KLHL8: variants seen among roughly 807,000 people sequenced by gnomAD.
The protein encoded by KLHL8 is kelch-like protein 8.
A neutral mutation model predicts 63.5 loss-of-function variants in KLHL8; 38 were observed. That is an observed-to-expected ratio of 0.60 (90% CI 0.46 to 0.78). The LOEUF (loss-of-function observed/expected upper bound fraction) is 0.78, where lower values mean the gene tolerates loss of function less well. Among genes scored for constraint, KLHL8 ranks in the 30% least tolerant of loss-of-function variants. The probability of loss-of-function intolerance (pLI) is 0.00; values close to 1 mark genes in which losing one functional copy is unlikely to be tolerated. For synonymous variants in KLHL8, 224 were observed against 254.3 expected (o/e 0.88, Z 1.13); for missense variants, 566 against 752.4 (o/e 0.75, Z 2.90).
intron 6 of KLHL8, among the ~76,000 whole-genome samples, chr4:87,174,102 G>A (rs894456349): frequency 1.3e-5 from 2 of 151,948 alleles, no homozygotes; most frequent in Non-Finnish European, 2.9e-5. Flanking sequence ...AGTCATTTTT[G>A]CAGAATGGTG....
intron 8 of KLHL8, among the ~76,000 whole-genome samples, chr4:87,166,209 G>C (rs970701296): frequency 5.3e-5 from 8 of 152,148 alleles, no homozygotes; most frequent in African/African-American, 1.7e-4. Context: ...GTGATAATCA[G>C]GCAAGATGTA....
chr4:87,212,074 A>AATC (rs1475977895), intron 1 of KLHL8, among the ~76,000 whole-genome samples: 1 of 152,210 alleles, frequency 6.6e-6, no homozygotes, highest in Non-Finnish European at 1.5e-5. Flanking sequence ...AATATTTAAA[A>AATC]ATCCTTATTA....
At position 87,227,114 on chromosome 4, in the gene KLHL8, G is replaced by T. The variant is rs537514974; in HGVS notation, n.58-5724C>A. Among the ~76,000 whole-genome samples the T allele has an allele frequency of 1.8e-4, 27 of 147,496 alleles. No homozygotes were observed. In the South Asian group the frequency reaches 5.0e-3, roughly 28 times the overall value. On this transcript the variant is annotated intron_variant and non_coding_transcript_variant, in intron 1 of 1. Coordinates refer to the KLHL8 transcript ENST00000506274. ...TTTGATATGAAAATAAATGCAACAT[G>T]GCAGACCCTACTAGCTGCTTAAGCA...
intron 1 of KLHL8, among the ~76,000 whole-genome samples, chr4:87,234,482 C>G (rs756455116): frequency 9.3e-4 from 141 of 151,884 alleles, no homozygotes; most frequent in Admixed American, 1.2e-3. Context: ...ATTCCTATCC[C>G]TTAGTGACGT....
rs758841441 is a variant in KLHL8, at chr4:87,169,974, G to C, written c.1537+105C>G. 5.1e-4 allele frequency: 429 copies of C among 840,014 alleles called. 1 individual carries two copies. The highest frequency in any genetic ancestry group is 7.3e-4 in the Non-Finnish European group (393 of 536,098). 52.0% of individuals were successfully genotyped at this position (840,014 alleles called of 1,614,324 possible). Reference sequence around the variant, plus strand: ...GAAAGAATTCAAAAGCACATTTCAGGACCGATTCTACTTAAGGCTAAATGC... The same window carrying C: ...GAAAGAATTCAAAAGCACATTTCAGCACCGATTCTACTTAAGGCTAAATGC... On this transcript the variant is annotated intron_variant, in intron 8 of 9. Coordinates refer to ENST00000273963, the MANE Select transcript of KLHL8 (RefSeq NM_020803.5).
chr4:87,165,085 G>A (rs892378745), intron 8 of KLHL8, among the ~76,000 whole-genome samples: 4 of 144,286 alleles, frequency 2.8e-5, no homozygotes, highest in South Asian at 4.3e-4. Context: ...GGAGGCGGAC[G>A]CTTGCAGTGA....
upstream of KLHL8, among the ~76,000 whole-genome samples, chr4:87,223,125 G>GTTTGT (rs397817772): frequency 0.68 from 100,192 of 147,556 alleles, 34,242 homozygotes; most frequent in Middle Eastern, 0.84. Context: ...TAATTTTTTT[G>GTTTGT]TTTGTTTTGT....
At chr4:87,198,138 G>A (rs927607807) in intron 1 of KLHL8, among the ~76,000 whole-genome samples, 1 of 151,770 alleles carries the variant, frequency 6.6e-6, no homozygotes, top group Non-Finnish European at 1.5e-5. Context: ...GGCCAACATG[G>A]CAAAACCCCG....
chr4:87,207,043 A>T, intron 1 of KLHL8: 1 of 375,960 alleles, frequency 2.7e-6, no homozygotes, highest in East Asian at 6.3e-5. Flanking sequence ...CCCATTTGAC[A>T]CACAGCTGCA....
intron 1 of KLHL8, among the ~76,000 whole-genome samples, chr4:87,238,253 A>G (rs1433831171): frequency 6.6e-6 from 1 of 152,196 alleles, no homozygotes; most frequent in Non-Finnish European, 1.5e-5. Context: ...TATTCCATGC[A>G]TTTCTTATAT....
intron 3 of KLHL8, among the ~76,000 whole-genome samples, chr4:87,184,334 C>A (rs546877612): frequency 6.6e-6 from 1 of 151,216 alleles, no homozygotes; most frequent in Admixed American, 6.6e-5. Flanking sequence ...TATCATCATA[C>A]TCTGAATAGG....
intron 6 of KLHL8, among the ~76,000 whole-genome samples, chr4:87,173,788 G>T (rs1730719126): frequency 6.6e-6 from 1 of 152,080 alleles, no homozygotes; most frequent in Non-Finnish European, 1.5e-5. Context: ...AAAGTACTTT[G>T]GGATTTTATC....
chr4:87,169,125 T>C (rs1730539011), intron 8 of KLHL8, among the ~76,000 whole-genome samples: 2 of 151,786 alleles, frequency 1.3e-5, no homozygotes, highest in South Asian at 2.1e-4. Flanking sequence ...GCAAACACGA[T>C]GAAACCCTGT....
At chr4:87,211,297 TTTTTAC>T (rs1732395221) in intron 1 of KLHL8, among the ~76,000 whole-genome samples, 1 of 152,228 alleles carries the variant, frequency 6.6e-6, no homozygotes, top group South Asian at 2.1e-4. Flanking sequence ...AAAATTTCCA[TTTTTAC>T]TTTTAAGTCA....
chr4:87,203,382 A>G (rs4693805), intron 1 of KLHL8, among the ~76,000 whole-genome samples: 23,908 of 151,984 alleles, frequency 0.16, 2,264 homozygotes, highest in South Asian at 0.24. Flanking sequence ...CTAAAAAAAT[A>G]CAAAAATTTA....
chr4:87,207,552 CT>C, intron 1 of KLHL8: 3 of 1,100,268 alleles, frequency 2.7e-6, no homozygotes, highest in Non-Finnish European at 4.2e-6. Context: ...CCACCAACTG[CT>C]TAGCGCCCCT....
chr4:87,201,970 T>C (rs1731933945), intron 1 of KLHL8, among the ~76,000 whole-genome samples: 1 of 151,896 alleles, frequency 6.6e-6, no homozygotes, highest in Admixed American at 6.6e-5. Context: ...TAGCTGGGCG[T>C]AGTGGCAGGT....
intron 6 of KLHL8, 69 bp downstream of exon 6, chr4:87,176,688 T>A: frequency 2.2e-6 from 2 of 900,390 alleles, no homozygotes; most frequent in Non-Finnish European, 3.5e-6. Flanking sequence ...AAGTTTAAAA[T>A]AAGGCCTTTA....
At chr4:87,202,751 T>G (rs1195548701) in intron 1 of KLHL8, among the ~76,000 whole-genome samples, 1 of 152,180 alleles carries the variant, frequency 6.6e-6, no homozygotes, top group East Asian at 1.9e-4. Flanking sequence ...AGAAATAGCC[T>G]TGACTCTACA....
Sources: allele counts gnomAD v4.1 joint callset (sites outside exome capture counted in the v4.1 genomes callset), GRCh38; gene constraint gnomAD v4.1.1; transcripts MANE v1.5; gene names NCBI Gene and HGNC (gene_info 2026-07-23, HGNC 2026-07-21).